Variants in ANO3 observed in about 807,000 individuals in gnomAD.
The protein encoded by ANO3 is anoctamin 3, also known as anoctamin-3.
In ANO3, 99 loss-of-function variants were observed where a neutral mutation model predicts 144.8. That is an observed-to-expected ratio of 0.68 (90% CI 0.58 to 0.81). The LOEUF (loss-of-function observed/expected upper bound fraction) is 0.81, where lower values mean the gene tolerates loss of function less well. Among genes scored for constraint, ANO3 ranks in the 30% least tolerant of loss-of-function variants. The pLI is 0.00. For synonymous variants in ANO3, 414 were observed against 392.6 expected (o/e 1.05, Z -0.64); for missense variants, 905 against 1,202.2 (o/e 0.75, Z 3.66).
At chr11:26,438,564 T>C (rs554179167) in intron 1 of ANO3, among the ~76,000 whole-genome samples, 1,190 of 115,754 alleles carry the variant, frequency 0.01, 19 homozygotes, top group African/African-American at 0.039. Flanking sequence ...CTGGCCAACA[T>C]GGTGAAATCC....
At chr11:26,594,787 T>A in intron 14 of ANO3, among the ~76,000 whole-genome samples, 1 of 152,126 alleles carries the variant, frequency 6.6e-6, no homozygotes, top group African/African-American at 2.4e-5. Flanking sequence ...AGTTTTCTCT[T>A]AATGAAAAGA....
rs77943954 is a variant in ANO3, at chr11:26,519,754, C to T, written c.692+2827C>T. 2.9e-3 allele frequency among the ~76,000 whole-genome samples: 444 copies of T among 152,252 alleles called. 1 individual carries two copies. Among genetic ancestry groups the T allele is most frequent in the African/African-American group, 9.9e-3 (412 of 41,550 alleles). On this transcript the variant is annotated intron_variant, in intron 6 of 26. Coordinates refer to ENST00000256737, the MANE Select transcript of ANO3 (RefSeq NM_031418.4). ...ATTGGAATTTCAACATGTGAATTTT[C>T]GGGAAACACAACTGCTTTGTCTATT...
At chr11:26,267,184 GCACACA>G (rs373864169) in intron 1 of ANO3, among the ~76,000 whole-genome samples, 15 of 147,612 alleles carry the variant, frequency 1.0e-4, no homozygotes, top group African/African-American at 3.5e-4. Context: ...ACGCACGCAC[GCACACA>G]CACACACACA....
At chr11:26,443,126 C>T (rs1227581528) in intron 2 of ANO3, among the ~76,000 whole-genome samples, 2 of 152,028 alleles carry the variant, frequency 1.3e-5, no homozygotes, top group Non-Finnish European at 2.9e-5. Flanking sequence ...CTTATGATTC[C>T]ATATGGTTGC....
At chr11:26,534,338 G>C in intron 8 of ANO3, 118 bp from the exon 9 acceptor site, 1 of 568,548 alleles carries the variant, frequency 1.8e-6, no homozygotes, top group Non-Finnish European at 3.1e-6. Context: ...TTTTTAAAGA[G>C]GATGATTTCC....
chr11:26,621,440 G>A (rs1459490413), intron 17 of ANO3, among the ~76,000 whole-genome samples: 1 of 152,080 alleles, frequency 6.6e-6, no homozygotes, highest in Admixed American at 6.5e-5. Flanking sequence ...AAGGTACTTA[G>A]CTGAGATTTC....
At chr11:26,190,066 T>C (rs764668407) in intron 1 of ANO3, among the ~76,000 whole-genome samples, 3 of 152,198 alleles carry the variant, frequency 2.0e-5, no homozygotes, top group African/African-American at 7.2e-5. Flanking sequence ...ATATTTTAAA[T>C]GTTGTACTAA....
At chr11:26,588,756 T>C (rs1195343372) in intron 14 of ANO3, among the ~76,000 whole-genome samples, 2 of 152,212 alleles carry the variant, frequency 1.3e-5, no homozygotes, top group African/African-American at 4.8e-5. Flanking sequence ...TAGGAATCAC[T>C]GTATGTTGTA....
intron 6 of ANO3, 137 bp downstream of exon 6, chr11:26,517,064 G>GC (rs1861891266): frequency 4.4e-6 from 2 of 450,290 alleles, no homozygotes. Flanking sequence ...ATTCTGGACA[G>GC]TTTTTTTTTC....
intron 1 of ANO3, among the ~76,000 whole-genome samples, chr11:26,226,869 C>T (rs1402637710): frequency 6.6e-6 from 1 of 152,104 alleles, no homozygotes; most frequent in Non-Finnish European, 1.5e-5. Context: ...GTACAGCCAT[C>T]ACCATCATCC....
chr11:26,547,854 A>G (rs537292350), intron 12 of ANO3, among the ~76,000 whole-genome samples: 259 of 152,114 alleles, frequency 1.7e-3, no homozygotes, highest in Non-Finnish European at 2.9e-3. Flanking sequence ...ACATTTGCAT[A>G]GCATTTGTTA....
intron 10 of ANO3, among the ~76,000 whole-genome samples, chr11:26,540,259 G>A (rs1849610927): frequency 6.6e-6 from 1 of 152,058 alleles, no homozygotes; most frequent in African/African-American, 2.4e-5. Flanking sequence ...TCATTCCTGG[G>A]ATGCAAGGCT....
intron 1 of ANO3, among the ~76,000 whole-genome samples, chr11:26,389,729 A>G (rs1232166705): frequency 2.0e-5 from 3 of 152,084 alleles, no homozygotes; most frequent in African/African-American, 7.2e-5. Flanking sequence ...GTTACATTTT[A>G]TGGTGCTTCA....
intron 4 of ANO3, among the ~76,000 whole-genome samples, chr11:26,482,554 A>G (rs967903668): frequency 3.0e-4 from 45 of 151,778 alleles, no homozygotes; most frequent in African/African-American, 1.0e-3. Context: ...AATATATATA[A>G]TAGAGTTTCA....
chr11:26,615,414 A>ATATATTTTTTT (rs1352935016), intron 17 of ANO3, among the ~76,000 whole-genome samples: 1 of 130,700 alleles, frequency 7.7e-6, no homozygotes, highest in African/African-American at 3.0e-5. Context: ...ATATATATAT[A>ATATATTTTTTT]TTTTTTTTTT....
intron 1 of ANO3, among the ~76,000 whole-genome samples, chr11:26,346,568 T>A (rs78556653): frequency 0.013 from 1,944 of 152,290 alleles, 58 homozygotes; most frequent in African/African-American, 0.045. Context: ...TTATTTCACC[T>A]GGATGTGCCT....
intron 1 of ANO3, among the ~76,000 whole-genome samples, chr11:26,273,729 A>C (rs1322638284): frequency 6.6e-6 from 1 of 152,012 alleles, no homozygotes; most frequent in African/African-American, 2.4e-5. Context: ...GAGAAATTCA[A>C]AAACAAATAG....
chr11:26,282,254 T>C (rs951646153), intron 1 of ANO3, among the ~76,000 whole-genome samples: 1 of 152,038 alleles, frequency 6.6e-6, no homozygotes, highest in Non-Finnish European at 1.5e-5. Flanking sequence ...ATATCTAAAG[T>C]CCAGAAATAA....
intron 3 of ANO3, among the ~76,000 whole-genome samples, chr11:26,453,888 A>C (rs1054234674): frequency 1.3e-5 from 2 of 152,188 alleles, no homozygotes; most frequent in Non-Finnish European, 2.9e-5. Context: ...CCCGGACCAC[A>C]GTACAATCAA....
Sources: gnomAD v4.1 joint callset for allele counts (sites outside exome capture counted in the v4.1 genomes callset) on GRCh38, gnomAD v4.1.1 for gene constraint, MANE v1.5 for transcripts, NCBI Gene and HGNC (gene_info 2026-07-23, HGNC 2026-07-21) for gene names.